Variants in ACBD6 observed in about 807,000 individuals in gnomAD.
The protein encoded by ACBD6 is acyl-CoA-binding domain-containing protein 6.
A neutral mutation model predicts 37.2 loss-of-function variants in ACBD6; 28 were observed. That is an observed-to-expected ratio of 0.75 (90% confidence interval 0.56 to 1.03). The LOEUF is 1.03. Ranked by LOEUF, ACBD6 falls within the 50% of genes least tolerant of loss-of-function variation. The probability of loss-of-function intolerance (pLI) is 0.00; values close to 1 mark genes in which losing one functional copy is unlikely to be tolerated. For synonymous variants in ACBD6, 113 were observed against 126.8 expected, an observed-to-expected ratio of 0.89 and a Z score of 0.73; for missense variants, 340 against 337.4, an observed-to-expected ratio of 1.01 and a Z score of -0.06.
intron 3 of ACBD6, among the ~76,000 whole-genome samples, chr1:180,447,014 TG>T (rs1348526242): frequency 2.6e-5 from 4 of 152,154 alleles, no homozygotes; most frequent in African/African-American, 9.7e-5. Context: ...CAGTCCAGCC[TG>T]GGTGATAGAG....
chr1:180,407,941 T>C (rs1346169163), intron 5 of ACBD6, among the ~76,000 whole-genome samples: 1 of 152,222 alleles, frequency 6.6e-6, no homozygotes, highest in Non-Finnish European at 1.5e-5. Context: ...GCCTACTTAT[T>C]GATTTGTTAT....
At chr1:180,377,678 T>C (rs971768489) in intron 6 of ACBD6, among the ~76,000 whole-genome samples, 1 of 152,186 alleles carries the variant, frequency 6.6e-6, no homozygotes, top group Non-Finnish European at 1.5e-5. Flanking sequence ...CCAGGCATGG[T>C]GGCTCATGCC....
intron 1 of ACBD6, among the ~76,000 whole-genome samples, chr1:180,496,102 T>C (rs956044016): frequency 6.6e-5 from 10 of 152,204 alleles, no homozygotes; most frequent in African/African-American, 9.6e-5. Context: ...AATTCCGTTT[T>C]TCTACAATAG....
chr1:180,372,163 CAG>C (rs958687652), intron 6 of ACBD6, among the ~76,000 whole-genome samples: 10 of 152,096 alleles, frequency 6.6e-5, no homozygotes, highest in African/African-American at 2.4e-4. Context: ...CAGAATGGGA[CAG>C]AGGGAAACCT....
At position 180,430,065 on chromosome 1, in the gene ACBD6, T is replaced by A. The variant is rs1339051219; in HGVS notation, c.467+115A>T. On this transcript the variant is annotated intron_variant, in intron 4 of 7. Coordinates refer to ENST00000367595, the MANE Select transcript of ACBD6 (RefSeq NM_032360.4). The stretch of plus-strand genomic sequence containing the variant: ...AAGGAATGCTTCACAAATTGAAGAT[T>A]TCAGGATTAAAAATATATAGTACAC... 5 of 881,984 alleles carry A rather than the reference T, an allele frequency of 5.7e-6. No homozygotes were observed. In the East Asian group the frequency reaches 1.3e-4, roughly 23 times the overall value. 54.6% of individuals were successfully genotyped at this position (881,984 alleles called of 1,614,324 possible). A position where few individuals can be genotyped will look rare whatever the true frequency, so the allele number is the denominator to read the frequency against.
intron 3 of ACBD6, among the ~76,000 whole-genome samples, chr1:180,454,311 T>C (rs959612487): frequency 1.4e-4 from 22 of 152,332 alleles, no homozygotes; most frequent in Admixed American, 9.8e-4. Flanking sequence ...TTGGGAAAAC[T>C]GGCTAGCCAT....
chr1:180,417,904 T>C (rs898255426), intron 4 of ACBD6, among the ~76,000 whole-genome samples: 6 of 152,300 alleles, frequency 3.9e-5, no homozygotes, highest in African/African-American at 1.4e-4. Flanking sequence ...TTGTTGGATG[T>C]ATGGCCAGAA....
At chr1:180,470,495 C>T (rs995713298) in intron 3 of ACBD6, among the ~76,000 whole-genome samples, 9 of 152,148 alleles carry the variant, frequency 5.9e-5, no homozygotes, top group African/African-American at 2.2e-4. Context: ...TGTTTAACTG[C>T]AAAAGCACTA....
intron 6 of ACBD6, among the ~76,000 whole-genome samples, chr1:180,341,452 T>A (rs1022133541): frequency 6.6e-6 from 1 of 152,152 alleles, no homozygotes; most frequent in Non-Finnish European, 1.5e-5. Flanking sequence ...GGGATTATCT[T>A]GAGGATAATA....
chr1:180,361,158 G>A (rs1039908769), intron 6 of ACBD6, among the ~76,000 whole-genome samples: 6 of 152,028 alleles, frequency 3.9e-5, no homozygotes, highest in African/African-American at 1.5e-4. Context: ...TCCCTGCTTT[G>A]CAAAGCCCAG....
At chr1:180,318,274 AAAGAT>A (rs528009575) in intron 6 of ACBD6, among the ~76,000 whole-genome samples, 11 of 151,638 alleles carry the variant, frequency 7.3e-5, no homozygotes, top group African/African-American at 2.7e-4. Flanking sequence ...TCAACATTTT[AAAGAT>A]AAAACCTTGC....
intron 7 of ACBD6, among the ~76,000 whole-genome samples, chr1:180,302,366 T>TA (rs893784834): frequency 6.6e-5 from 10 of 151,578 alleles, no homozygotes; most frequent in East Asian, 1.9e-4. Flanking sequence ...TATATTCATT[T>TA]AAAAAAAAAC....
chr1:180,418,147 A>G (rs1262494894), intron 4 of ACBD6, among the ~76,000 whole-genome samples: 2 of 152,144 alleles, frequency 1.3e-5, no homozygotes, highest in Admixed American at 6.5e-5. Flanking sequence ...TTATAAGTTG[A>G]GATTAAAAAG....
chr1:180,322,189 C>A (rs1315053378), intron 6 of ACBD6, among the ~76,000 whole-genome samples: 1 of 152,090 alleles, frequency 6.6e-6, no homozygotes, highest in Non-Finnish European at 1.5e-5. Flanking sequence ...GTTGAGCCAT[C>A]CTTGCATCCC....
chr1:180,334,877 T>C (rs1434745791), intron 6 of ACBD6, among the ~76,000 whole-genome samples: 8 of 152,248 alleles, frequency 5.3e-5, no homozygotes, highest in Non-Finnish European at 7.3e-5. Context: ...CAAGCCTCAG[T>C]AGCCGATTCA....
exon 14 of ACBD6, chr1:180,270,508 G>A (rs1326481945): frequency 2.0e-5 from 3 of 152,310 alleles, no homozygotes. Context: ...ACACGCACGC[G>A]CCTCTCTCTG....
intron 2 of ACBD6, among the ~76,000 whole-genome samples, chr1:180,493,416 CCTT>C (rs1050749243): frequency 1.2e-4 from 19 of 152,130 alleles, no homozygotes; most frequent in African/African-American, 3.9e-4. Context: ...CCAGGACAGG[CCTT>C]CTTCTTGGTT....
At chr1:180,320,453 T>C (rs1346446386) in intron 6 of ACBD6, among the ~76,000 whole-genome samples, 4 of 151,936 alleles carry the variant, frequency 2.6e-5, no homozygotes, top group East Asian at 1.9e-4. Flanking sequence ...CTGGCCAACA[T>C]GGCGAAACCC....
In ACBD6 at chr1:180,468,905, A is replaced by G. The variant is rs12086126; in HGVS notation, c.384+23364T>C. Among the ~76,000 whole-genome samples, 1,097 of 152,310 alleles carry G rather than the reference A, an allele frequency of 7.2e-3. 13 individuals carry two copies. Among genetic ancestry groups the G allele is most frequent in the African/African-American group, 0.025 (1,051 of 41,572 alleles). On this transcript the variant is annotated intron_variant, in intron 3 of 7. Coordinates refer to ENST00000367595, the MANE Select transcript of ACBD6 (RefSeq NM_032360.4). The stretch of plus-strand genomic sequence containing the variant: ...CTTTGACATTTAAGAAAAATTTGCA[A>G]TTCCACCCAGTTTTCCATATGTCCT...
Sources: allele counts gnomAD v4.1 joint callset (sites outside exome capture counted in the v4.1 genomes callset), GRCh38; gene constraint gnomAD v4.1.1; transcripts MANE v1.5; gene names NCBI Gene and HGNC (gene_info 2026-07-23, HGNC 2026-07-21).